The following TJP1 variants were observed in gnomAD, a reference collection of about 807,000 sequenced individuals.
TJP1 encodes tight junction protein 1.
In TJP1, 43 loss-of-function variants were observed where a neutral mutation model predicts 194.2. That is an observed-to-expected ratio of 0.22 (90% CI 0.17 to 0.29). The LOEUF (loss-of-function observed/expected upper bound fraction) is 0.29. Among genes scored for constraint, TJP1 ranks in the 10% least tolerant of loss-of-function variants. TJP1 has a pLI of 1.00. For synonymous variants in TJP1, 801 were observed against 779.0 expected, an observed-to-expected ratio of 1.03 and a Z score of -0.47; for missense variants, 1,971 against 2,185.7, an observed-to-expected ratio of 0.90 and a Z score of 1.96.
At chr15:29,948,211 G>A (rs2055348996) in intron 2 of TJP1, among the ~76,000 whole-genome samples, 1 of 148,254 alleles carries the variant, frequency 6.7e-6, no homozygotes. Context: ...GCAGTGAGGC[G>A]AGATCGTGCC....
chr15:29,862,522 G>A (rs1019154487), intron 2 of TJP1, among the ~76,000 whole-genome samples: 15 of 152,096 alleles, frequency 9.9e-5, no homozygotes, highest in Admixed American at 8.5e-4. Flanking sequence ...AAGTGTACAT[G>A]TGGCAAGATC....
At chr15:29,829,082 C>G (rs2050759423) in intron 2 of TJP1, among the ~76,000 whole-genome samples, 1 of 152,046 alleles carries the variant, frequency 6.6e-6, no homozygotes, top group South Asian at 2.1e-4. Flanking sequence ...TTGGCCGGCT[C>G]TATGTGTGTG....
intron 8 of TJP1, among the ~76,000 whole-genome samples, chr15:29,749,148 G>GTTTT (rs71103409): frequency 7.1e-6 from 1 of 141,266 alleles, no homozygotes. Context: ...AGTTTCTGTT[G>GTTTT]TTTTTTTTTT....
Position 29,700,259 on chromosome 15 carries a change from T to G in TJP1, c.*1336A>C. ...ATTAACAGAATGTAGTGGTGTATTA[T>G]CTAAACAGAAATCGTGCTGATGTGC... On this transcript the variant is annotated 3_prime_UTR_variant, in exon 28 of 28. Coordinates refer to ENST00000614355, the MANE Select transcript of TJP1 (RefSeq NM_001330239.4). 2.5e-6 allele frequency: 1 copy of G among 399,000 alleles called. No individual in the cohort carries two copies. Among genetic ancestry groups the G allele is most frequent in the East Asian group, 3.6e-5 (1 of 28,052 alleles). 24.7% of individuals were successfully genotyped at this position (399,000 alleles called of 1,614,324 possible).
intron 2 of TJP1, among the ~76,000 whole-genome samples, chr15:29,797,633 A>G (rs1481766833): frequency 6.6e-6 from 1 of 152,102 alleles, no homozygotes; most frequent in Non-Finnish European, 1.5e-5. Flanking sequence ...TGTACCAAAA[A>G]GAATAATCAC....
chr15:29,714,565 G>A (rs1293269736), intron 23 of TJP1, among the ~76,000 whole-genome samples: 5 of 80,640 alleles, frequency 6.2e-5, no homozygotes, highest in Admixed American at 5.1e-4. Flanking sequence ...TTTTGAGACA[G>A]AGTCTCACTC....
chr15:29,802,884 C>A lies in TJP1; in HGVS notation c.28-2182G>T, dbSNP rs575944635. Among the ~76,000 whole-genome samples the A allele has an allele frequency of 2.0e-5, 3 of 152,252 alleles. No individual in the cohort carries two copies. In the South Asian group the frequency reaches 6.2e-4, roughly 32 times the overall value. ...GTGATGTGATAACATGCACTTAACT[C>A]TCTTTGATAACATACTCTATGGTAT... On this transcript the variant is annotated intron_variant, in intron 1 of 27. Coordinates refer to ENST00000614355, the MANE Select transcript of TJP1 (RefSeq NM_001330239.4).
At chr15:29,929,579 T>C (rs1481938637) in intron 2 of TJP1, among the ~76,000 whole-genome samples, 1 of 151,988 alleles carries the variant, frequency 6.6e-6, no homozygotes, top group Non-Finnish European at 1.5e-5. Flanking sequence ...TGTCTGTAAT[T>C]CTAGCTACTC....
In TJP1 at chr15:29,819,781, T is replaced by C. The variant is rs1021196643; in HGVS notation, c.27+2221A>G. 5.9e-5 allele frequency among the ~76,000 whole-genome samples: 9 copies of C among 152,240 alleles called. No individual in the cohort carries two copies. The South Asian group carries it at 1.7e-3, about 28-fold the overall frequency. ...TCTCGTTTATTCAGATCTCACTTTA[T>C]GTCCTTCATTAAGATTCCAGTAGCT... is the stretch of plus-strand genomic sequence containing the variant. On this transcript the variant is annotated intron_variant, in intron 1 of 27. Transcript: ENST00000614355.
At chr15:29,946,113 G>A (rs1596304093) in intron 2 of TJP1, among the ~76,000 whole-genome samples, 1 of 152,296 alleles carries the variant, frequency 6.6e-6, no homozygotes, top group East Asian at 1.9e-4. Flanking sequence ...AACATCAGGA[G>A]AGCCAGGCTG....
chr15:29,727,005 G>C lies in TJP1; in HGVS notation c.2101-14C>G. The stretch of plus-strand genomic sequence containing the variant: ...AGCATGTTTGTCCTAGAAACAGAAA[G>C]AAAAATATATACAAAGACACAAGAC... On this transcript the variant is annotated splice_polypyrimidine_tract_variant and intron_variant, in intron 16 of 27. Coordinates refer to ENST00000614355, the MANE Select transcript of TJP1 (RefSeq NM_001330239.4). 3 of 1,606,974 alleles carry C rather than the reference G, an allele frequency of 1.9e-6. No homozygotes were observed. Among genetic ancestry groups the C allele is most frequent in the Non-Finnish European group, 2.6e-6 (3 of 1,174,812 alleles).
chr15:29,960,649 A>AT (rs1555461604), intron 1 of TJP1, among the ~76,000 whole-genome samples: 8 of 151,576 alleles, frequency 5.3e-5, no homozygotes, highest in Non-Finnish European at 8.8e-5. Context: ...AAAAAAAAAA[A>AT]AAGTAATAAT....
intron 1 of TJP1, among the ~76,000 whole-genome samples, chr15:29,802,478 G>A (rs1179463249): frequency 2.0e-5 from 3 of 151,568 alleles, no homozygotes; most frequent in African/African-American, 7.3e-5. Flanking sequence ...CCATAGATAA[G>A]AACTGCCAAC....
intron 2 of TJP1, among the ~76,000 whole-genome samples, chr15:29,780,348 G>A (rs542330095): frequency 3.9e-5 from 6 of 152,072 alleles, no homozygotes; most frequent in African/African-American, 1.4e-4. Flanking sequence ...ATTCTCATAA[G>A]GAGTGTGCAA....
At chr15:29,863,408 C>T (rs2052171915) in intron 2 of TJP1, among the ~76,000 whole-genome samples, 1 of 152,118 alleles carries the variant, frequency 6.6e-6, no homozygotes, top group Non-Finnish European at 1.5e-5. Flanking sequence ...ATGACAAGAG[C>T]CTAAAAACAG....
chr15:29,937,341 T>C (rs1363577287), intron 2 of TJP1, among the ~76,000 whole-genome samples: 2 of 152,200 alleles, frequency 1.3e-5, no homozygotes, highest in Non-Finnish European at 2.9e-5. Flanking sequence ...GGTAAAGTCT[T>C]GGCTTTCTCA....
At chr15:29,911,748 G>A (rs1223899093) in intron 2 of TJP1, among the ~76,000 whole-genome samples, 3 of 152,294 alleles carry the variant, frequency 2.0e-5, no homozygotes, top group Non-Finnish European at 1.5e-5. Context: ...GGGAAACAGA[G>A]CCAAACCATA....
chr15:29,822,124 C>A lies in TJP1; in HGVS notation c.-96G>T, dbSNP rs1044181878. The A allele has an allele frequency of 1.7e-6, 2 of 1,206,074 alleles. No homozygotes were observed. The highest frequency in any genetic ancestry group is 3.2e-5 in the African/African-American group (2 of 63,244). The allele number at this position is 1,206,074 out of a possible 1,614,324, so 74.7% of individuals were successfully genotyped here. ...CACGCCACAGCCCAAATAAACATCTCCCGAGAGCGAGCGGGGCACGGGCGG... is the reference window on the plus strand; with the variant it reads ...CACGCCACAGCCCAAATAAACATCTACCGAGAGCGAGCGGGGCACGGGCGG... On this transcript the variant is annotated 5_prime_UTR_variant, in exon 1 of 28. Transcript: ENST00000614355.
At chr15:29,838,875 A>G (rs911760697) in intron 2 of TJP1, among the ~76,000 whole-genome samples, 6 of 152,098 alleles carry the variant, frequency 3.9e-5, no homozygotes, top group Non-Finnish European at 8.8e-5. Context: ...ACAGTACGTA[A>G]CCTGCTGGAA....
Sources: gnomAD v4.1 joint callset for allele counts (sites outside exome capture counted in the v4.1 genomes callset) on GRCh38, gnomAD v4.1.1 for gene constraint, MANE v1.5 for transcripts, NCBI Gene and HGNC (gene_info 2026-07-23, HGNC 2026-07-21) for gene names.